Variants in RTN1 observed in about 807,000 individuals in gnomAD.
RTN1 encodes reticulon 1, also known as reticulon-1.
Under a neutral mutation model 65.5 loss-of-function variants are expected in RTN1, and 25 were observed. That is an observed-to-expected ratio of 0.38 (90% CI 0.28 to 0.53). RTN1 has a LOEUF of 0.53. RTN1 is among the 20% of genes least tolerant of loss of function. RTN1 has a pLI of 0.79. For synonymous variants in RTN1, 471 were observed against 447.6 expected (o/e 1.05, Z -0.66); for missense variants, 983 against 1,025.4 (o/e 0.96, Z 0.57).
intron 1 of RTN1, among the ~76,000 whole-genome samples, chr14:59,775,098 G>A (rs368465461): frequency 2.0e-5 from 3 of 152,156 alleles, no homozygotes; most frequent in East Asian, 3.9e-4. Context: ...ATGGGGCCAT[G>A]AAAACTGCTC....
chr14:59,630,515 C>G (rs1248593366), intron 3 of RTN1: 1 of 1,613,544 alleles, frequency 6.2e-7, no homozygotes, highest in Non-Finnish European at 8.5e-7. Flanking sequence ...ATCGTGCGGG[C>G]TTTGGGGGCT....
chr14:59,746,528 GCT>G, intron 1 of RTN1, 47 bp from the exon 2 acceptor site: 1 of 1,497,364 alleles, frequency 6.7e-7, no homozygotes, highest in Non-Finnish European at 8.9e-7. Flanking sequence ...CTTGGCGTCA[GCT>G]CTCTCTCTTG....
chr14:59,812,423 A>G (rs1886746233), intron 1 of RTN1, among the ~76,000 whole-genome samples: 2 of 152,214 alleles, frequency 1.3e-5, no homozygotes, highest in South Asian at 4.1e-4. Flanking sequence ...AAAGGTCTGA[A>G]GGCTTGTGAA....
chr14:59,718,358 G>A (rs1330465612), intron 3 of RTN1, among the ~76,000 whole-genome samples: 1 of 152,196 alleles, frequency 6.6e-6, no homozygotes, highest in East Asian at 1.9e-4. Flanking sequence ...CTTTAAAGCT[G>A]CCTTCGCTCT....
intron 3 of RTN1, among the ~76,000 whole-genome samples, chr14:59,687,902 C>T (rs1445313607): frequency 6.6e-6 from 1 of 152,006 alleles, no homozygotes; most frequent in Non-Finnish European, 1.5e-5. Flanking sequence ...CTGTTTCATG[C>T]CCAGGCAGAC....
At chr14:59,824,686 G>T (rs1177151362) in intron 1 of RTN1, among the ~76,000 whole-genome samples, 4 of 152,178 alleles carry the variant, frequency 2.6e-5, no homozygotes, top group East Asian at 1.9e-4. Context: ...GGTCGCTGGG[G>T]TTTTTTCCCA....
chr14:59,861,788 G>T (rs1336769332), intron 1 of RTN1, among the ~76,000 whole-genome samples: 1 of 152,092 alleles, frequency 6.6e-6, no homozygotes, highest in Non-Finnish European at 1.5e-5. Context: ...TTAACATTCA[G>T]ATCTTCATTC....
At chr14:59,827,896 T>G (rs1363620481) in intron 1 of RTN1, among the ~76,000 whole-genome samples, 1 of 152,370 alleles carries the variant, frequency 6.6e-6, no homozygotes, top group East Asian at 1.9e-4. Context: ...TCCCAGAAGC[T>G]GCAGCCTATG....
chr14:59,666,962 CA>C (rs146213616), intron 3 of RTN1, among the ~76,000 whole-genome samples: 1,330 of 59,850 alleles, frequency 0.022, 5 homozygotes, highest in African/African-American at 0.04. Flanking sequence ...GCCGACCAAC[CA>C]AAAAAAAAAA....
intron 1 of RTN1, among the ~76,000 whole-genome samples, chr14:59,757,871 T>C (rs1885671145): frequency 6.6e-6 from 1 of 152,276 alleles, no homozygotes; most frequent in Non-Finnish European, 1.5e-5. Context: ...TTACAACTGA[T>C]GAATCTACAA....
chr14:59,630,789 A>C, intron 3 of RTN1: 1 of 1,046,142 alleles, frequency 9.6e-7, no homozygotes, highest in Non-Finnish European at 1.1e-6. Flanking sequence ...CAAGGGTGCT[A>C]CCCTGGAGAC....
At chr14:59,631,137 C>T (rs1882544837) in intron 3 of RTN1, among the ~76,000 whole-genome samples, 1 of 152,202 alleles carries the variant, frequency 6.6e-6, no homozygotes, top group Non-Finnish European at 1.5e-5. Flanking sequence ...GAAGAATTGC[C>T]AGATTCTCTC....
At chr14:59,689,336 T>C (rs532439682) in intron 3 of RTN1, among the ~76,000 whole-genome samples, 1 of 152,258 alleles carries the variant, frequency 6.6e-6, no homozygotes, top group Non-Finnish European at 1.5e-5. Flanking sequence ...ACCTATGAAT[T>C]AGTGGCATTT....
rs1887874005 is a variant in RTN1, at chr14:59,870,335, G to C, written c.241+55C>G. ...CAGGAGAGCCGCGCAGAAGGGGACT[G>C]ACTGGGGGGCCCTGGTCCCCGACGC... On this transcript the variant is annotated intron_variant, in intron 1 of 8. Transcript: ENST00000267484. This position sits in a 1 kb window ranked among gnomAD's most constrained non-coding sequence, Gnocchi z 5.1. 1.4e-6 allele frequency: 2 copies of C among 1,419,840 alleles called. No homozygotes were observed. The highest frequency in any genetic ancestry group is 1.8e-6 in the Non-Finnish European group (2 of 1,092,530). 88.0% of individuals were successfully genotyped at this position (1,419,840 alleles called of 1,614,324 possible). A position where few individuals can be genotyped will look rare whatever the true frequency, so the allele number is the denominator to read the frequency against.
chr14:59,621,972 T>C (rs1323438835), intron 3 of RTN1, among the ~76,000 whole-genome samples: 1 of 152,238 alleles, frequency 6.6e-6, no homozygotes, highest in Admixed American at 6.5e-5. Context: ...TTTTATTCCA[T>C]CTTGGCCCAG....
intron 3 of RTN1, among the ~76,000 whole-genome samples, chr14:59,677,632 G>A (rs1407997767): frequency 6.6e-6 from 1 of 152,172 alleles, no homozygotes; most frequent in Non-Finnish European, 1.5e-5. Flanking sequence ...CTGGTCCTGA[G>A]GCGGGAGATG....
chr14:59,870,362 A>T lies in RTN1; in HGVS notation c.241+28T>A. The T allele has an allele frequency of 6.8e-7, 1 of 1,479,076 alleles. No individual in the cohort carries two copies. The highest frequency in any genetic ancestry group is 8.9e-7 in the Non-Finnish European group (1 of 1,124,430). The allele number at this position is 1,479,076 out of a possible 1,614,324, so 91.6% of individuals were successfully genotyped here. A position where few individuals can be genotyped will look rare whatever the true frequency, so the allele number is the denominator to read the frequency against. ...CTGGGGGGCCCTGGTCCCCGACGCC[A>T]TTTGAGGGGCAGCGGCGCCCGCCTT... On this transcript the variant is annotated intron_variant, in intron 1 of 8. Coordinates refer to ENST00000267484, the MANE Select transcript of RTN1 (RefSeq NM_021136.3). The surrounding 1 kb of genome is among the most constrained non-coding windows in gnomAD (Gnocchi z 5.1).
At chr14:59,706,553 T>G (rs555850186) in intron 3 of RTN1, among the ~76,000 whole-genome samples, 3 of 150,124 alleles carry the variant, frequency 2.0e-5, no homozygotes, top group African/African-American at 7.4e-5. Context: ...GTAACTCACA[T>G]GCAGTAGTTG....
intron 1 of RTN1, among the ~76,000 whole-genome samples, chr14:59,750,186 C>T (rs529369688): frequency 0.29 from 9,112 of 31,742 alleles, 1,403 homozygotes; most frequent in Middle Eastern, 0.42. Context: ...ATATATAATA[C>T]ATATATTATA....
Sources: gnomAD v4.1 joint callset for allele counts (sites outside exome capture counted in the v4.1 genomes callset) on GRCh38, gnomAD v4.1.1 for gene constraint, Gnocchi (gnomAD v3.1) non-coding constraint, MANE v1.5 for transcripts, NCBI Gene and HGNC (gene_info 2026-07-23, HGNC 2026-07-21) for gene names.